Variants in SNTG2 observed in about 807,000 individuals in gnomAD.
SNTG2 encodes syntrophin gamma 2, also known as gamma-2-syntrophin.
In SNTG2, 74 loss-of-function variants were observed where a neutral mutation model predicts 70.9. The ratio of observed to expected loss-of-function variants is 1.04; its 90% CI spans 0.86 to 1.27. The LOEUF (loss-of-function observed/expected upper bound fraction) is 1.27, where lower values mean the gene tolerates loss of function less well. SNTG2 is among the 50% of genes most tolerant of loss of function. SNTG2 has a pLI of 0.00. For synonymous variants in SNTG2, 278 were observed against 273.8 expected (o/e 1.02, Z -0.15); for missense variants, 717 against 690.7 (o/e 1.04, Z -0.43).
chr2:1,311,207 C>CT (rs1467492187), intron 15 of SNTG2, among the ~76,000 whole-genome samples: 1 of 152,186 alleles, frequency 6.6e-6, no homozygotes, highest in Non-Finnish European at 1.5e-5. Flanking sequence ...ATGAAGACGT[C>CT]TTTTTGCTGG....
rs139968578 is a variant in SNTG2, at chr2:1,141,498, A to G, written c.411+3689A>G. Reference sequence around the variant, plus strand: ...GGATACAGAACACATCTGGGACAATAGCTGGAACTGGAGTTCCATCTGTTG... The same window carrying G: ...GGATACAGAACACATCTGGGACAATGGCTGGAACTGGAGTTCCATCTGTTG... On this transcript the variant is annotated intron_variant, in intron 6 of 16. Transcript: ENST00000308624. Among the ~76,000 whole-genome samples the G allele has an allele frequency of 1.4e-4, 22 of 152,338 alleles. No individual in the cohort carries two copies. In the Middle Eastern group the frequency reaches 0.014, roughly 94 times the overall value.
At chr2:1,053,056 C>T (rs1662165329) in intron 1 of SNTG2, among the ~76,000 whole-genome samples, 1 of 152,176 alleles carries the variant, frequency 6.6e-6, no homozygotes, top group African/African-American at 2.4e-5. Context: ...GTGAAAATAA[C>T]ATACTCTGAC....
chr2:1,135,009 C>T (rs556966363), intron 4 of SNTG2, among the ~76,000 whole-genome samples: 2 of 152,302 alleles, frequency 1.3e-5, no homozygotes, highest in South Asian at 2.1e-4. Context: ...TGCAATTCAT[C>T]GTCATCTCAT....
At chr2:953,065 C>T (rs1218120715) in intron 1 of SNTG2, among the ~76,000 whole-genome samples, 1 of 152,198 alleles carries the variant, frequency 6.6e-6, no homozygotes, top group African/African-American at 2.4e-5. Flanking sequence ...CAAAACTATA[C>T]ACATTCTTTA....
At chr2:1,222,530 T>G (rs372040433) in intron 9 of SNTG2, among the ~76,000 whole-genome samples, 1 of 120,576 alleles carries the variant, frequency 8.3e-6, no homozygotes, top group Non-Finnish European at 1.7e-5. Flanking sequence ...TGCCTGCTGC[T>G]GGAGGTGCTG....
intron 9 of SNTG2, among the ~76,000 whole-genome samples, chr2:1,231,936 G>A (rs1051770272): frequency 1.6e-4 from 24 of 152,330 alleles, no homozygotes; most frequent in Admixed American, 1.1e-3. Flanking sequence ...ACACAGGCTC[G>A]TGATGGCTCC....
At chr2:1,052,735 C>T (rs1466930163) in intron 1 of SNTG2, among the ~76,000 whole-genome samples, 4 of 152,258 alleles carry the variant, frequency 2.6e-5, no homozygotes, top group Admixed American at 6.5e-5. Context: ...GGTGAAGGGC[C>T]GTGGCTGTGT....
chr2:1,003,767 C>T (rs1245672853), intron 1 of SNTG2, among the ~76,000 whole-genome samples: 1 of 152,180 alleles, frequency 6.6e-6, no homozygotes, highest in Non-Finnish European at 1.5e-5. Flanking sequence ...TTAAGCATCA[C>T]TCGTGTAGCT....
At chr2:1,279,973 C>CT (rs1679448872) in intron 14 of SNTG2, among the ~76,000 whole-genome samples, 1 of 152,158 alleles carries the variant, frequency 6.6e-6, no homozygotes, top group East Asian at 1.9e-4. Context: ...ATTACTGTAT[C>CT]TTTGCGTGAT....
At chr2:1,208,530 G>A (rs1053919234) in intron 8 of SNTG2, among the ~76,000 whole-genome samples, 1 of 152,142 alleles carries the variant, frequency 6.6e-6, no homozygotes, top group Non-Finnish European at 1.5e-5. Context: ...GGGCTGCTGC[G>A]TGGTGCTGTG....
chr2:1,365,186 A>G (rs937855337), intron 16 of SNTG2, among the ~76,000 whole-genome samples: 6 of 152,158 alleles, frequency 3.9e-5, no homozygotes, highest in Non-Finnish European at 8.8e-5. Flanking sequence ...AGCTTGAATT[A>G]AAGTTTAACA....
chr2:1,252,006 TGAGTA>T (rs1365296844), intron 12 of SNTG2, among the ~76,000 whole-genome samples: 1 of 152,186 alleles, frequency 6.6e-6, no homozygotes, highest in East Asian at 1.9e-4. Flanking sequence ...GGGAGGTTTT[TGAGTA>T]GAGTTAGATC....
At chr2:1,329,755 G>A (rs1007951504) in intron 16 of SNTG2, among the ~76,000 whole-genome samples, 5 of 152,178 alleles carry the variant, frequency 3.3e-5, no homozygotes, top group African/African-American at 9.7e-5. Flanking sequence ...TGTACGCATC[G>A]TGTGGGGGAG....
intron 9 of SNTG2, among the ~76,000 whole-genome samples, chr2:1,222,632 T>C (rs1267216948): frequency 0.12 from 175 of 1,408 alleles, 33 homozygotes; most frequent in South Asian, 0.21. Flanking sequence ...AGGAAAGCGG[T>C]GCAGTGATGG....
chr2:1,082,343 G>A (rs779397056), intron 1 of SNTG2, among the ~76,000 whole-genome samples: 21 of 152,230 alleles, frequency 1.4e-4, no homozygotes, highest in Non-Finnish European at 2.4e-4. Context: ...GATGAACTCC[G>A]GATCTCTGGG....
intron 1 of SNTG2, among the ~76,000 whole-genome samples, chr2:988,048 A>G (rs954713210): frequency 2.0e-5 from 3 of 152,046 alleles, no homozygotes; most frequent in Non-Finnish European, 4.4e-5. Flanking sequence ...TCATCACCTC[A>G]TGGGGAGCCT....
intron 1 of SNTG2, among the ~76,000 whole-genome samples, chr2:1,038,869 G>C (rs1171105389): frequency 6.6e-6 from 1 of 152,206 alleles, no homozygotes; most frequent in Non-Finnish European, 1.5e-5. Context: ...GGAAGATTTA[G>C]ATCCACTGCC....
chr2:1,301,746 T>C (rs1367607505), intron 14 of SNTG2, among the ~76,000 whole-genome samples: 1 of 152,070 alleles, frequency 6.6e-6, no homozygotes, highest in Non-Finnish European at 1.5e-5. Context: ...CACTTGAAAA[T>C]ATATTTTAGT....
chr2:1,080,958 C>A (rs991483586), intron 1 of SNTG2, among the ~76,000 whole-genome samples: 2 of 152,084 alleles, frequency 1.3e-5, no homozygotes, highest in Non-Finnish European at 2.9e-5. Flanking sequence ...TTCCTTTTCT[C>A]AGAGCCTGAG....
Sources: allele counts gnomAD v4.1 joint callset (sites outside exome capture counted in the v4.1 genomes callset), GRCh38; gene constraint gnomAD v4.1.1; transcripts MANE v1.5; gene names NCBI Gene and HGNC (gene_info 2026-07-23, HGNC 2026-07-21).